The following SMYD3 variants were observed in gnomAD, a reference collection of about 807,000 sequenced individuals.
SMYD3 encodes SET and MYND domain containing 3, also known as histone-lysine N-methyltransferase SMYD3.
In SMYD3, 36 loss-of-function variants were observed where a neutral mutation model predicts 57.7. That is an observed-to-expected ratio of 0.62 (90% CI 0.48 to 0.82). The LOEUF is 0.82. Among genes scored for constraint, SMYD3 ranks in the 40% least tolerant of loss-of-function variants. The probability of loss-of-function intolerance (pLI) is 0.00; values close to 1 mark genes in which losing one functional copy is unlikely to be tolerated. For missense variants in SMYD3, 515 were observed against 538.8 expected (o/e 0.96, Z 0.44); for synonymous variants, 211 against 195.0 (o/e 1.08, Z -0.68).
intron 5 of SMYD3, among the ~76,000 whole-genome samples, chr1:246,142,558 T>C (rs2061773936): frequency 6.6e-6 from 1 of 152,306 alleles, no homozygotes; most frequent in South Asian, 2.1e-4. Flanking sequence ...AGGTGACTAA[T>C]GGGTAGGTCG....
chr1:246,041,803 T>C (rs1181208663), intron 5 of SMYD3, among the ~76,000 whole-genome samples: 1 of 151,158 alleles, frequency 6.6e-6, no homozygotes, highest in Non-Finnish European at 1.5e-5. Flanking sequence ...CTAGATGGTA[T>C]GTAATCTTTA....
intron 5 of SMYD3, among the ~76,000 whole-genome samples, chr1:246,247,487 T>TATATATATATATATATATATA (rs1558347068): frequency 1.4e-5 from 2 of 141,362 alleles, no homozygotes; most frequent in African/African-American, 5.6e-5. Context: ...ATATATATAT[T>TATATATATATATATATATATA]TTTTAACATG....
chr1:246,495,259 G>A (rs2103072384), intron 1 of SMYD3, among the ~76,000 whole-genome samples: 1 of 144,898 alleles, frequency 6.9e-6, no homozygotes, highest in South Asian at 2.2e-4. Context: ...TGAGGCAGGA[G>A]AATGGCATGA....
chr1:246,263,151 G>A (rs938646645), intron 5 of SMYD3, among the ~76,000 whole-genome samples: 2 of 152,202 alleles, frequency 1.3e-5, no homozygotes, highest in Non-Finnish European at 2.9e-5. Flanking sequence ...AAAAAGGTAA[G>A]TAATGGATGG....
At chr1:246,195,928 C>A (rs1248157583) in intron 5 of SMYD3, among the ~76,000 whole-genome samples, 2 of 152,088 alleles carry the variant, frequency 1.3e-5, no homozygotes, top group Non-Finnish European at 2.9e-5. Context: ...AATAGGCTGC[C>A]TTTCACCTGA....
At chr1:245,802,255 TTCTA>T (rs1167077881) in intron 10 of SMYD3, among the ~76,000 whole-genome samples, 3 of 151,954 alleles carry the variant, frequency 2.0e-5, no homozygotes, top group African/African-American at 7.3e-5. Flanking sequence ...TGGCATGGAG[TTCTA>T]GAAGTTCTCA....
At chr1:246,061,311 A>T (rs888861308) in intron 5 of SMYD3, among the ~76,000 whole-genome samples, 1 of 152,234 alleles carries the variant, frequency 6.6e-6, no homozygotes, top group Non-Finnish European at 1.5e-5. Context: ...ACTGGTAGGT[A>T]CCATATGACT....
intron 1 of SMYD3, among the ~76,000 whole-genome samples, chr1:246,430,351 T>C (rs1331840817): frequency 6.6e-6 from 1 of 152,230 alleles, no homozygotes; most frequent in African/African-American, 2.4e-5. Flanking sequence ...AATGAGGATC[T>C]ATTTAAGAGA....
chr1:246,215,365 T>G (rs1022898914), intron 5 of SMYD3, among the ~76,000 whole-genome samples: 7 of 152,094 alleles, frequency 4.6e-5, no homozygotes, highest in African/African-American at 1.7e-4. Context: ...GCTTCATGCA[T>G]GTAGTTAAAT....
intron 5 of SMYD3, among the ~76,000 whole-genome samples, chr1:246,164,199 T>C (rs1043163139): frequency 1.3e-5 from 2 of 152,178 alleles, no homozygotes; most frequent in African/African-American, 4.8e-5. Context: ...GGCAGGCAGA[T>C]TGCCTGAGGT....
intron 5 of SMYD3, among the ~76,000 whole-genome samples, chr1:246,050,977 G>A (rs34587828): frequency 0.066 from 9,968 of 152,128 alleles, 372 homozygotes; most frequent in African/African-American, 0.08. Flanking sequence ...ATCATATGAT[G>A]AGAGGTAAAA....
chr1:246,091,365 C>T (rs770621444), intron 5 of SMYD3, among the ~76,000 whole-genome samples: 4 of 152,112 alleles, frequency 2.6e-5, no homozygotes, highest in Non-Finnish European at 5.9e-5. Flanking sequence ...AGGATTCCAA[C>T]TTTCCTATGT....
chr1:246,197,588 A>T (rs1047925039), intron 5 of SMYD3, among the ~76,000 whole-genome samples: 16 of 133,302 alleles, frequency 1.2e-4, no homozygotes, highest in Admixed American at 2.2e-4. Flanking sequence ...TCAAAAACAA[A>T]GAAAGTATGA....
chr1:246,327,836 A>T (rs1045527100), intron 4 of SMYD3, among the ~76,000 whole-genome samples: 3 of 152,236 alleles, frequency 2.0e-5, no homozygotes, highest in African/African-American at 7.2e-5. Flanking sequence ...TATGGCTAGT[A>T]CATCATGAAT....
intron 5 of SMYD3, among the ~76,000 whole-genome samples, chr1:246,051,133 C>CTTTT (rs11453523): frequency 7.1e-6 from 1 of 141,714 alleles, no homozygotes. Context: ...TTTCTTACTC[C>CTTTT]TTTTTTTTTT....
chr1:245,838,276 C>T (rs2050200229), intron 10 of SMYD3, among the ~76,000 whole-genome samples: 1 of 152,166 alleles, frequency 6.6e-6, no homozygotes, highest in Middle Eastern at 3.2e-3. Context: ...GGGCACAGAC[C>T]CCTCCCATGA....
At chr1:246,256,214 C>G (rs2063891229) in intron 5 of SMYD3, among the ~76,000 whole-genome samples, 1 of 152,062 alleles carries the variant, frequency 6.6e-6, no homozygotes, top group Admixed American at 6.6e-5. Flanking sequence ...CTAGGCCTGT[C>G]TCCCTTTTTC....
intron 8 of SMYD3, among the ~76,000 whole-genome samples, chr1:245,914,515 G>A (rs1309598864): frequency 9.9e-5 from 15 of 152,192 alleles, no homozygotes; most frequent in Admixed American, 8.5e-4. Flanking sequence ...AGTCAGTCAG[G>A]TGCAGAAAGA....
At chr1:246,298,008 T>A (rs2064825846) in intron 5 of SMYD3, among the ~76,000 whole-genome samples, 1 of 152,150 alleles carries the variant, frequency 6.6e-6, no homozygotes, top group South Asian at 2.1e-4. Context: ...CTTTAATTTT[T>A]ATGAGATGCT....
Sources: gnomAD v4.1 joint callset for allele counts (sites outside exome capture counted in the v4.1 genomes callset) on GRCh38, gnomAD v4.1.1 for gene constraint, MANE v1.5 for transcripts, NCBI Gene and HGNC (gene_info 2026-07-23, HGNC 2026-07-21) for gene names.